ATRNL1: variants seen among roughly 807,000 people sequenced by gnomAD.
The protein encoded by ATRNL1 is attractin-like protein 1.
ATRNL1 carries 95 observed loss-of-function variants against 182.7 expected under a neutral mutation model. The ratio of observed to expected loss-of-function variants is 0.52; its 90% CI spans 0.44 to 0.62. The LOEUF (loss-of-function observed/expected upper bound fraction) is 0.62. ATRNL1 is among the 20% of genes least tolerant of loss of function. ATRNL1 has a pLI of 0.00. For synonymous variants in ATRNL1, 576 were observed against 568.3 expected (o/e 1.01, Z -0.19); for missense variants, 1,471 against 1,679.5 (o/e 0.88, Z 2.17).
rs11197211 is a variant in ATRNL1, at chr10:115,438,446, C to G, written c.3322+12144C>G. 5.7e-4 allele frequency among the ~76,000 whole-genome samples: 87 copies of G among 152,050 alleles called. No individual in the cohort carries two copies. In the East Asian group the frequency reaches 0.016, roughly 27 times the overall value. On this transcript the variant is annotated intron_variant, in intron 21 of 28. Coordinates refer to ENST00000355044, the MANE Select transcript of ATRNL1 (RefSeq NM_207303.4). ...TACTCAGAAACTTTCTTCTTAGTTT[C>G]TCTTTCAAAATGTCTTTTTATGCAT...
At chr10:115,248,903 C>A (rs1403830273) in intron 10 of ATRNL1, among the ~76,000 whole-genome samples, 1 of 152,148 alleles carries the variant, frequency 6.6e-6, no homozygotes, top group Non-Finnish European at 1.5e-5. Context: ...TTATATTCAT[C>A]TTGTTGTGAG....
chr10:115,181,059 C>T (rs1389718512), intron 8 of ATRNL1, among the ~76,000 whole-genome samples: 2 of 151,804 alleles, frequency 1.3e-5, no homozygotes, highest in Non-Finnish European at 2.9e-5. Context: ...TGTAATTTTC[C>T]AATCCCTGTC....
At chr10:115,309,884 T>C (rs1554927319) in intron 17 of ATRNL1, among the ~76,000 whole-genome samples, 1 of 152,126 alleles carries the variant, frequency 6.6e-6, no homozygotes, top group Admixed American at 6.5e-5. Context: ...TTTCCAGTAC[T>C]ATATTAAATA....
At chr10:115,474,337 C>A (rs1373561912) in intron 24 of ATRNL1, among the ~76,000 whole-genome samples, 1 of 151,320 alleles carries the variant, frequency 6.6e-6, no homozygotes, top group Non-Finnish European at 1.5e-5. Flanking sequence ...TAGAAGTATT[C>A]TCTTATATGT....
At chr10:115,510,104 G>A (rs1444225380) in intron 24 of ATRNL1, among the ~76,000 whole-genome samples, 1 of 152,016 alleles carries the variant, frequency 6.6e-6, no homozygotes, top group Non-Finnish European at 1.5e-5. Context: ...TTGCTGCAAT[G>A]TAATGATAAA....
At chr10:115,368,333 C>T (rs1271307522) in intron 19 of ATRNL1, among the ~76,000 whole-genome samples, 5 of 152,234 alleles carry the variant, frequency 3.3e-5, no homozygotes, top group African/African-American at 1.2e-4. Context: ...AAGGGAACTC[C>T]CTGACCCTTG....
At chr10:115,716,382 T>G (rs1356128882) in intron 26 of ATRNL1, among the ~76,000 whole-genome samples, 1 of 152,134 alleles carries the variant, frequency 6.6e-6, no homozygotes, top group African/African-American at 2.4e-5. Flanking sequence ...TGCCAGTGTG[T>G]GGGTCATTTA....
At position 115,227,894 on chromosome 10, in the gene ATRNL1, C is replaced by CAGAATTAT. The variant is rs751244584; in HGVS notation, c.1532+12015_1532+12022dup. On this transcript the variant is annotated intron_variant, in intron 9 of 28. Transcript: ENST00000355044. ...ATATAAAGTTCAGCACCAGGAAAAA[C>CAGAATTAT]AGAATTATGGGCTTAGAAGTTATGA... 2.5e-4 allele frequency among the ~76,000 whole-genome samples: 38 copies of CAGAATTAT among 152,052 alleles called. 1 individual carries two copies. Among genetic ancestry groups the CAGAATTAT allele is most frequent in the Non-Finnish European group, 4.9e-4 (33 of 67,998 alleles).
At chr10:115,726,976 C>G (rs1947617239) in intron 26 of ATRNL1, among the ~76,000 whole-genome samples, 1 of 151,928 alleles carries the variant, frequency 6.6e-6, no homozygotes, top group Non-Finnish European at 1.5e-5. Context: ...CCGAGGCTTT[C>G]AGAGTGCTTT....
At chr10:115,276,665 C>G (rs1554914924) in intron 13 of ATRNL1, among the ~76,000 whole-genome samples, 1 of 152,156 alleles carries the variant, frequency 6.6e-6, no homozygotes, top group Non-Finnish European at 1.5e-5. Context: ...ATAGGTCAAA[C>G]AATGTGCTTT....
At chr10:115,305,802 C>T (rs1343073419) in intron 17 of ATRNL1, among the ~76,000 whole-genome samples, 3 of 152,082 alleles carry the variant, frequency 2.0e-5, no homozygotes, top group African/African-American at 7.2e-5. Flanking sequence ...AGTGTATTCT[C>T]AAAAATGTCA....
intron 28 of ATRNL1, among the ~76,000 whole-genome samples, chr10:115,932,171 A>G (rs1378976389): frequency 6.6e-6 from 1 of 152,218 alleles, no homozygotes; most frequent in Non-Finnish European, 1.5e-5. Context: ...ATACTCAGTC[A>G]GATTCTCAAA....
chr10:115,107,070 G>T (rs1436684947), intron 1 of ATRNL1, among the ~76,000 whole-genome samples: 1 of 152,164 alleles, frequency 6.6e-6, no homozygotes, highest in Non-Finnish European at 1.5e-5. Context: ...TGAGGTAACA[G>T]CGTTAATGCC....
intron 27 of ATRNL1, among the ~76,000 whole-genome samples, chr10:115,727,804 G>A (rs1947645939): frequency 6.6e-6 from 1 of 152,062 alleles, no homozygotes; most frequent in Non-Finnish European, 1.5e-5. Context: ...AAAAGTGAAT[G>A]TTTCTCACAT....
intron 26 of ATRNL1, among the ~76,000 whole-genome samples, chr10:115,612,215 G>A (rs1489018762): frequency 6.6e-6 from 1 of 151,716 alleles, no homozygotes; most frequent in Non-Finnish European, 1.5e-5. Context: ...TTAAGCCATT[G>A]CACTCCAGCC....
chr10:115,140,622 C>G (rs1347377484), intron 5 of ATRNL1, among the ~76,000 whole-genome samples: 1 of 152,088 alleles, frequency 6.6e-6, no homozygotes, highest in Admixed American at 6.6e-5. Flanking sequence ...GTTCCTGTTC[C>G]TTTTCTATTC....
intron 20 of ATRNL1, among the ~76,000 whole-genome samples, chr10:115,419,613 A>G (rs547960367): frequency 6.6e-6 from 1 of 152,318 alleles, no homozygotes; most frequent in East Asian, 1.9e-4. Context: ...CCCAAAAAGA[A>G]CAGAAGTAGC....
At chr10:115,715,365 A>G (rs1464379959) in intron 26 of ATRNL1, among the ~76,000 whole-genome samples, 1 of 152,210 alleles carries the variant, frequency 6.6e-6, no homozygotes, top group Admixed American at 6.5e-5. Context: ...CTTGCCACCC[A>G]GAGTAGACAT....
chr10:115,413,398 T>C (rs1173435338), intron 20 of ATRNL1, among the ~76,000 whole-genome samples: 4 of 152,288 alleles, frequency 2.6e-5, no homozygotes, highest in African/African-American at 7.2e-5. Flanking sequence ...TGTTTATTCT[T>C]GCCTAATCTT....
Sources: gnomAD v4.1 joint callset for allele counts (sites outside exome capture counted in the v4.1 genomes callset) on GRCh38, gnomAD v4.1.1 for gene constraint, MANE v1.5 for transcripts, NCBI Gene and HGNC (gene_info 2026-07-23, HGNC 2026-07-21) for gene names.